SLC39A10: variants seen among roughly 807,000 people sequenced by gnomAD.
SLC39A10 encodes the protein zinc transporter ZIP10.
Under a neutral mutation model 65.1 loss-of-function variants are expected in SLC39A10, and 13 were observed. The ratio of observed to expected loss-of-function variants is 0.20; its 90% CI spans 0.13 to 0.32. The LOEUF is 0.32. SLC39A10 is among the 10% of genes least tolerant of loss of function. The probability of loss-of-function intolerance (pLI) is 1.00; values close to 1 mark genes in which losing one functional copy is unlikely to be tolerated. For missense variants in SLC39A10, 831 were observed against 1,018.4 expected (o/e 0.82, Z 2.50); for synonymous variants, 321 against 342.2 (o/e 0.94, Z 0.68).
At position 195,686,776 on chromosome 2, in the gene SLC39A10, C is replaced by G. The variant is rs553450258; in HGVS notation, c.1216+2870C>G. 2.6e-5 allele frequency among the ~76,000 whole-genome samples: 4 copies of G among 152,302 alleles called. No individual in the cohort carries two copies. In the East Asian group the frequency reaches 7.7e-4, roughly 29 times the overall value. On this transcript the variant is annotated intron_variant, in intron 3 of 9. Transcript: ENST00000359634. ...GCCATGCTATGAACTATAGTATTCT[C>G]CTTCTACAACATATAATCATAACCA...
chr2:195,664,871 G>A (rs981865556), intron 1 of SLC39A10, among the ~76,000 whole-genome samples: 6 of 152,158 alleles, frequency 3.9e-5, no homozygotes, highest in African/African-American at 1.2e-4. Context: ...GAATTAAAAT[G>A]TTTGCATATT....
At chr2:195,657,085 C>G (rs1689169314), upstream of SLC39A10, 1 of 152,390 alleles carries the variant, frequency 6.6e-6, no homozygotes, top group South Asian at 2.1e-4. Context: ...ACGCCCATAG[C>G]GTAGCACCCA....
intron 2 of SLC39A10, among the ~76,000 whole-genome samples, chr2:195,627,171 T>C (rs1385431028): frequency 1.3e-5 from 2 of 152,200 alleles, no homozygotes; most frequent in Non-Finnish European, 2.9e-5. Flanking sequence ...CAAGTTCTAA[T>C]TTGCTATAAT....
chr2:195,680,563 A>C lies in SLC39A10; in HGVS notation c.521A>C (p.His174Pro). 1 of 1,614,204 alleles carries C rather than the reference A, an allele frequency of 6.2e-7. No homozygotes were observed. Among genetic ancestry groups the C allele is most frequent in the Admixed American group, 1.7e-5 (1 of 60,028 alleles). The change falls in exon 2 of 10, where the codon CAT becomes CCT. Residue 174 changes from histidine to proline, a missense_variant. Physicochemically the swap from His to Pro is moderately conservative, Grantham distance 77. Transcript: ENST00000359634. ...TCTGATGATAAACATATGCATGACCATAATCACCGCCTACGTCATCACCAT... is the reference window on the plus strand; with the variant it reads ...TCTGATGATAAACATATGCATGACCCTAATCACCGCCTACGTCATCACCAT... ...VKSDDKHMHD[H>P]NHRLRHHHRL...
At chr2:195,636,405 A>G (rs1469165370) in intron 2 of SLC39A10, among the ~76,000 whole-genome samples, 1 of 152,196 alleles carries the variant, frequency 6.6e-6, no homozygotes, top group Admixed American at 6.5e-5. Flanking sequence ...TAAAATGGTA[A>G]TTATTGATAG....
At chr2:195,622,824 T>A (rs1688378322) in intron 2 of SLC39A10, among the ~76,000 whole-genome samples, 1 of 151,786 alleles carries the variant, frequency 6.6e-6, no homozygotes. Flanking sequence ...TACAAAAAAA[T>A]TGGCCAGGTG....
chr2:195,723,112 A>C (rs953736509), intron 8 of SLC39A10, among the ~76,000 whole-genome samples: 3 of 152,218 alleles, frequency 2.0e-5, no homozygotes, highest in Non-Finnish European at 4.4e-5. Context: ...GAACCATAGA[A>C]TAACATATAG....
rs189328275 is a variant in SLC39A10, at chr2:195,696,480, G to A, written c.1217-10136G>A. On this transcript the variant is annotated intron_variant, in intron 3 of 9. Transcript: ENST00000359634. ...CCAACCCAAGGACCAAAAATATTTGGGGAAAATATAAAAATAATACAAGAG... is the reference window on the plus strand; with the variant it reads ...CCAACCCAAGGACCAAAAATATTTGAGGAAAATATAAAAATAATACAAGAG... Among the ~76,000 whole-genome samples, 512 of 151,946 alleles carry A rather than the reference G, an allele frequency of 3.4e-3. 1 individual carries two copies. Among genetic ancestry groups the A allele is most frequent in the Admixed American group, 4.7e-3 (72 of 15,256 alleles).
At chr2:195,734,150 CT>C (rs1169822973) in intron 9 of SLC39A10, among the ~76,000 whole-genome samples, 24 of 98,582 alleles carry the variant, frequency 2.4e-4, no homozygotes, top group Admixed American at 2.4e-3. Flanking sequence ...AAGAATCTTC[CT>C]TTTTTTTTAA....
chr2:195,715,988 C>T (rs958507833), intron 6 of SLC39A10, among the ~76,000 whole-genome samples: 3 of 152,130 alleles, frequency 2.0e-5, no homozygotes, highest in African/African-American at 7.2e-5. Context: ...GTCAGGCAGT[C>T]AACACTACAG....
At chr2:195,690,242 A>G (rs1306439638) in intron 3 of SLC39A10, among the ~76,000 whole-genome samples, 4 of 150,696 alleles carry the variant, frequency 2.7e-5, no homozygotes, top group Non-Finnish European at 5.9e-5. Flanking sequence ...ATATTACATT[A>G]CATGTATATA....
Position 195,716,724 on chromosome 2 carries a change from A to G in SLC39A10, c.1784A>G (p.Asn595Ser). Residue 595 changes from asparagine to serine, a missense_variant, in exon 7 of 10, where the codon AAT becomes AGT. Asn to Ser is a conservative substitution (Grantham distance 46). Around this residue, in one of 4 missense-constraint regions of SLC39A10, gnomAD observed 230 missense variants for 242.9 expected, o/e 0.95. Transcript: ENST00000359634. ...LEGQQESPPK[N>S]YLCIEEEKII... ...GGCCAACAAGAATCCCCTCCTAAAA[A>G]TTACCTTTGTATAGAAGAGGAGAAA... The G allele has an allele frequency of 6.2e-7, 1 of 1,614,186 alleles. No individual in the cohort carries two copies. Among genetic ancestry groups the G allele is most frequent in the South Asian group, 1.1e-5 (1 of 91,076 alleles).
intron 1 of SLC39A10, among the ~76,000 whole-genome samples, chr2:195,672,322 GCT>G (rs1261935638): frequency 1.3e-5 from 2 of 151,982 alleles, no homozygotes; most frequent in Non-Finnish European, 2.9e-5. Flanking sequence ...GTAGAGATAA[GCT>G]CTCAGTATGT....
At chr2:195,646,217 A>T (rs1443451256) in intron 2 of SLC39A10, among the ~76,000 whole-genome samples, 1 of 152,174 alleles carries the variant, frequency 6.6e-6, no homozygotes, top group Non-Finnish European at 1.5e-5. Flanking sequence ...AAGTGTTGGG[A>T]TTACAGATGT....
chr2:195,695,150 G>A (rs1280639704), intron 3 of SLC39A10, among the ~76,000 whole-genome samples: 1 of 152,106 alleles, frequency 6.6e-6, no homozygotes, highest in Admixed American at 6.6e-5. Flanking sequence ...AGTTTTTCTG[G>A]GGACCCCCTC....
chr2:195,663,739 T>G (rs1689512756), intron 1 of SLC39A10, among the ~76,000 whole-genome samples: 1 of 150,462 alleles, frequency 6.6e-6, no homozygotes, highest in Non-Finnish European at 1.5e-5. Context: ...AATTGTATAT[T>G]AAAACAGAAA....
upstream of SLC39A10, among the ~76,000 whole-genome samples, chr2:195,653,438 G>A (rs1340644766): frequency 6.6e-6 from 1 of 152,052 alleles, no homozygotes; most frequent in Non-Finnish European, 1.5e-5. Flanking sequence ...GGGATTACAG[G>A]TGCCCGCCAC....
intron 1 of SLC39A10, among the ~76,000 whole-genome samples, chr2:195,667,028 A>G (rs1474807350): frequency 2.9e-4 from 44 of 152,262 alleles, no homozygotes; most frequent in East Asian, 1.9e-4. Flanking sequence ...ATAGAATACA[A>G]TAAAGATAGA....
intron 3 of SLC39A10, among the ~76,000 whole-genome samples, chr2:195,685,820 T>C (rs1313923956): frequency 6.6e-6 from 1 of 152,228 alleles, no homozygotes; most frequent in East Asian, 1.9e-4. Flanking sequence ...GACTAAACCA[T>C]TTAAGCTCTT....
Sources: gnomAD v4.1 joint callset for allele counts (sites outside exome capture counted in the v4.1 genomes callset) on GRCh38, gnomAD v4.1.1 for gene constraint, gnomAD v4.1.1 regional missense constraint, MANE v1.5 for transcripts, NCBI Gene and HGNC (gene_info 2026-07-23, HGNC 2026-07-21) for gene names.